Variants in TDG observed in about 807,000 individuals in gnomAD.
TDG encodes thymine DNA glycosylase, also known as G/T mismatch-specific thymine DNA glycosylase.
TDG carries 23 observed loss-of-function variants against 46.1 expected under a neutral mutation model. The ratio of observed to expected loss-of-function variants is 0.50; its 90% confidence interval spans 0.36 to 0.71. The LOEUF (loss-of-function observed/expected upper bound fraction) is 0.71. Among genes scored for constraint, TDG ranks in the 30% least tolerant of loss-of-function variants. The pLI is 0.00. For missense variants in TDG, 304 were observed against 486.7 expected, an observed-to-expected ratio of 0.62 and a Z score of 3.53; for synonymous variants, 115 against 161.3, an observed-to-expected ratio of 0.71 and a Z score of 2.18.
chr12:103,984,359 C>T (rs920140354), intron 7 of TDG, among the ~76,000 whole-genome samples: 3 of 151,940 alleles, frequency 2.0e-5, no homozygotes, highest in Non-Finnish European at 4.4e-5. Flanking sequence ...TTTGGGAGGC[C>T]GAGGCAGGCG....
intron 2 of TDG, among the ~76,000 whole-genome samples, chr12:103,978,778 T>G (rs879308678): frequency 3.3e-5 from 5 of 152,218 alleles, no homozygotes; most frequent in African/African-American, 4.8e-5. Flanking sequence ...CATTTGACAT[T>G]GTCTGAAGAC....
chr12:103,985,040 T>G, intron 8 of TDG, 120 bp downstream of exon 8: 1 of 680,766 alleles, frequency 1.5e-6, no homozygotes, highest in Non-Finnish European at 2.1e-6. Context: ...TGTGCACATA[T>G]ATGCACACGT....
chr12:103,977,026 T>G lies in TDG; in HGVS notation c.132T>G (p.Val44=). 1 of 1,613,648 alleles carries G rather than the reference T, an allele frequency of 6.2e-7. No homozygotes were observed. The highest frequency in any genetic ancestry group is 8.5e-7 in the Non-Finnish European group (1 of 1,179,890). Residue 44 remains valine (V), a synonymous_variant, in exon 2 of 10, where the codon GTT becomes GTG. Transcript: ENST00000392872. ...VVNEQQMPEE[V]PAPAPAQEPV... is the part of the protein sequence containing the mutation. ...ATGAACAGCAAATGCCAGAAGAAGT[T>G]CCAGCCCCAGCTCCTGCTCAGGAAC...
intron 4 of TDG, among the ~76,000 whole-genome samples, chr12:103,981,226 C>CTTTTT (rs11314473): frequency 5.8e-5 from 4 of 69,418 alleles, no homozygotes; most frequent in Non-Finnish European, 8.0e-5. Flanking sequence ...AGTTGTACTA[C>CTTTTT]TTTTTTTTTT....
Position 103,976,898 on chromosome 12 carries a change from A to G in TDG, c.24-20A>G. 1 of 1,611,328 alleles carries G rather than the reference A, an allele frequency of 6.2e-7. No homozygotes were observed. Among genetic ancestry groups the G allele is most frequent in the South Asian group, 1.1e-5 (1 of 90,290 alleles). On this transcript the variant is annotated intron_variant, in intron 1 of 9. Coordinates refer to ENST00000392872, the MANE Select transcript of TDG (RefSeq NM_003211.6). ...TTGGGTAATTTTATCATTACATCTC[A>G]TGCTTCATTATTCTTTCAGCTATTC...
intron 4 of TDG, 99 bp downstream of exon 4, chr12:103,981,061 C>T: frequency 1.0e-6 from 1 of 1,001,980 alleles, no homozygotes; most frequent in Non-Finnish European, 1.5e-6. Flanking sequence ...AAGAAAGAGA[C>T]TGTAAATACA....
intron 1 of TDG, among the ~76,000 whole-genome samples, chr12:103,971,360 G>A (rs1010674756): frequency 1.3e-5 from 2 of 152,158 alleles, no homozygotes; most frequent in African/African-American, 2.4e-5. Flanking sequence ...TCAGGAGTTT[G>A]ACACCAGCCT....
chr12:103,985,111 ATG>A (rs1872064255), intron 8 of TDG, among the ~76,000 whole-genome samples, 191 bp downstream of exon 8: 3 of 151,580 alleles, frequency 2.0e-5, no homozygotes, highest in Admixed American at 1.3e-4. Flanking sequence ...ATATACATAT[ATG>A]TGTGTATACA....
chr12:103,978,502 A>G (rs1217936309), intron 2 of TDG, among the ~76,000 whole-genome samples: 1 of 152,218 alleles, frequency 6.6e-6, no homozygotes, highest in Non-Finnish European at 1.5e-5. Context: ...CCTCCGCATT[A>G]GGACTTCCCC....
chr12:103,979,923 A>G lies in TDG; in HGVS notation c.259A>G (p.Lys87Glu). The G allele has an allele frequency of 6.2e-7, 1 of 1,611,878 alleles. No homozygotes were observed. Among genetic ancestry groups the G allele is most frequent in the East Asian group, 2.2e-5 (1 of 44,890 alleles). The change falls in exon 3 of 10, where the codon AAG becomes GAG. Residue 87 changes from lysine to glutamate, a missense_variant. By Grantham distance (56) the Lys-to-Glu change is moderately conservative. Transcript: ENST00000392872. ...KKPVESKKSG[K>E]SAKSKEKQEK... ...ACCTGTTGAGTCAAAAAAATCTGGC[A>G]AGTCTGCAAAATCAAAAGAAAAACA...
At chr12:103,970,069 C>T (rs559910191) in intron 1 of TDG, among the ~76,000 whole-genome samples, 13 of 152,330 alleles carry the variant, frequency 8.5e-5, no homozygotes, top group East Asian at 3.9e-4. Context: ...TCATAATTTA[C>T]ATAACCAGAC....
chr12:103,973,970 G>A (rs1566178903), intron 1 of TDG, among the ~76,000 whole-genome samples: 1 of 152,062 alleles, frequency 6.6e-6, no homozygotes, highest in Non-Finnish European at 1.5e-5. Flanking sequence ...TTATGATACA[G>A]GTTAATCTCT....
chr12:103,986,708 G>A (rs932270131), intron 9 of TDG: 6 of 344,290 alleles, frequency 1.7e-5, no homozygotes, highest in East Asian at 5.0e-5. Flanking sequence ...ATGAGACACC[G>A]TCTCAAAAAG....
At chr12:103,974,996 AAAAG>A (rs910014352) in intron 1 of TDG, among the ~76,000 whole-genome samples, 2 of 150,268 alleles carry the variant, frequency 1.3e-5, no homozygotes, top group Non-Finnish European at 3.0e-5. Context: ...AAAAAAAAGA[AAAAG>A]AAAAAGAAAA....
intron 8 of TDG, 48 bp downstream of exon 8, chr12:103,984,968 T>A: frequency 7.0e-7 from 1 of 1,428,228 alleles, no homozygotes; most frequent in Non-Finnish European, 9.3e-7. Context: ...TGTGTATATA[T>A]ACACATATAT....
Position 103,982,861 on chromosome 12 carries a change from C to T in TDG, c.541C>T (p.Leu181=). 1 of 1,614,092 alleles carries T rather than the reference C, an allele frequency of 6.2e-7. No homozygotes were observed. Among genetic ancestry groups the T allele is most frequent in the Non-Finnish European group, 8.5e-7 (1 of 1,180,034 alleles). The part of the protein sequence containing the change: ...VQLNHMDDHT[L]PGKYGIGFTN... ...GCTGAACCATATGGATGATCACACTCTACCAGGGAAGTATGGTATTGGATT... is the reference window on the plus strand; with the variant it reads ...GCTGAACCATATGGATGATCACACTTTACCAGGGAAGTATGGTATTGGATT... The change falls in exon 5 of 10, where the codon CTA becomes TTA. Residue 181 remains leucine (L), a synonymous_variant. Coordinates refer to ENST00000392872, the MANE Select transcript of TDG (RefSeq NM_003211.6).
intron 1 of TDG, 136 bp from the exon 2 acceptor site, chr12:103,976,782 T>C: frequency 1.9e-6 from 2 of 1,065,268 alleles, no homozygotes; most frequent in Non-Finnish European, 2.7e-6. Context: ...CTCTCCTCTG[T>C]AATCCACTCT....
rs1356931417 is a variant in TDG, at chr12:103,977,849, A to C, written c.166+789A>C. On this transcript the variant is annotated intron_variant, in intron 2 of 9. Coordinates refer to ENST00000392872, the MANE Select transcript of TDG (RefSeq NM_003211.6). Reference sequence around the variant, plus strand: ...AAGGCTGAGGCGGGTAGATCACCTGAGGTCAGGAGTTCATGACCAGCCTGG... The same window carrying C: ...AAGGCTGAGGCGGGTAGATCACCTGCGGTCAGGAGTTCATGACCAGCCTGG... Among the ~76,000 whole-genome samples, 5 of 152,178 alleles carry C rather than the reference A, an allele frequency of 3.3e-5. No homozygotes were observed. In the South Asian group the frequency reaches 1.0e-3, roughly 32 times the overall value.
chr12:103,979,015 C>A (rs953437895), intron 2 of TDG, among the ~76,000 whole-genome samples: 1 of 152,040 alleles, frequency 6.6e-6, no homozygotes, highest in Non-Finnish European at 1.5e-5. Context: ...ATCCTGGGCA[C>A]CCCTAAATTC....
Sources: gnomAD v4.1 joint callset for allele counts (sites outside exome capture counted in the v4.1 genomes callset) on GRCh38, gnomAD v4.1.1 for gene constraint, MANE v1.5 for transcripts, NCBI Gene and HGNC (gene_info 2026-07-23, HGNC 2026-07-21) for gene names.